The following RCOR1 variants were observed in gnomAD, a reference collection of about 807,000 sequenced individuals.
The protein encoded by RCOR1 is REST corepressor.
In RCOR1, 12 loss-of-function variants were observed where a neutral mutation model predicts 64.0. The ratio of observed to expected loss-of-function variants is 0.19; its 90% confidence interval spans 0.12 to 0.30. The LOEUF (loss-of-function observed/expected upper bound fraction) is 0.30, where lower values mean the gene tolerates loss of function less well. Among genes scored for constraint, RCOR1 ranks in the 10% least tolerant of loss-of-function variants. RCOR1 has a pLI of 1.00. For missense variants in RCOR1, 502 were observed against 621.2 expected (o/e 0.81, Z 2.04); for synonymous variants, 279 against 227.2 (o/e 1.23, Z -2.05).
At position 102,716,950 on chromosome 14, in the gene RCOR1, ACCTGATATACC is replaced by A. The variant is rs1896079401; in HGVS notation, c.1053+2337_1053+2347del. Among the ~76,000 whole-genome samples the A allele has an allele frequency of 2.6e-5, 4 of 152,152 alleles. No individual in the cohort carries two copies. In the South Asian group the frequency reaches 8.3e-4, roughly 31 times the overall value. On this transcript the variant is annotated intron_variant, in intron 8 of 11. Coordinates refer to ENST00000262241, the MANE Select transcript of RCOR1 (RefSeq NM_015156.4). The stretch of plus-strand genomic sequence containing the variant: ...CTTTATTGAGTTTTCTGATCAGTGA[ACCTGATATACC>A]CCTCTACTTCTATAGGTTTGTAATT...
chr14:102,682,005 A>G, intron 3 of RCOR1, 27 bp downstream of exon 3: 3 of 1,540,222 alleles, frequency 1.9e-6, no homozygotes, highest in Non-Finnish European at 2.7e-6. Context: ...TTTATTTTCC[A>G]CCTTTCTTGT....
At chr14:102,595,154 T>G (rs916542686) in intron 2 of RCOR1, among the ~76,000 whole-genome samples, 5 of 152,230 alleles carry the variant, frequency 3.3e-5, no homozygotes, top group Admixed American at 2.6e-4. Flanking sequence ...GTCTTTGGGC[T>G]TTTTGTTGGA....
At chr14:102,679,532 G>A (rs965202606) in intron 2 of RCOR1, among the ~76,000 whole-genome samples, 6 of 150,628 alleles carry the variant, frequency 4.0e-5, no homozygotes, top group African/African-American at 1.5e-4. Context: ...AGGCTGGAGT[G>A]CAGTGGTGCA....
intron 2 of RCOR1, among the ~76,000 whole-genome samples, chr14:102,617,036 G>T (rs1893774891): frequency 6.6e-6 from 1 of 152,166 alleles, no homozygotes; most frequent in Non-Finnish European, 1.5e-5. Context: ...GAAACAGGAA[G>T]GCCAAATATA....
At chr14:102,607,400 A>G (rs1893534418) in intron 2 of RCOR1, among the ~76,000 whole-genome samples, 1 of 152,310 alleles carries the variant, frequency 6.6e-6, no homozygotes, top group South Asian at 2.1e-4. Flanking sequence ...CACATCTTGC[A>G]TAGATGTGTT....
At chr14:102,642,504 C>A (rs557484993) in intron 2 of RCOR1, among the ~76,000 whole-genome samples, 1 of 152,204 alleles carries the variant, frequency 6.6e-6, no homozygotes, top group East Asian at 1.9e-4. Flanking sequence ...AAGTCTTAGG[C>A]CGATTTGATG....
chr14:102,599,475 C>T (rs902816349), intron 2 of RCOR1, among the ~76,000 whole-genome samples: 2 of 152,058 alleles, frequency 1.3e-5, no homozygotes, highest in African/African-American at 2.4e-5. Flanking sequence ...TCTTTATACA[C>T]GTCCTTGGTG....
chr14:102,617,583 CTTTCTTTT>C (rs1893787192), intron 2 of RCOR1, among the ~76,000 whole-genome samples: 1 of 113,680 alleles, frequency 8.8e-6, no homozygotes, highest in African/African-American at 3.6e-5. Context: ...GACACTGTCT[CTTTCTTTT>C]TTTTTTTTTT....
In RCOR1 at chr14:102,721,016, A is replaced by G. The variant is rs565329339; in HGVS notation, c.1063A>G (p.Ile355Val). The part of the protein sequence containing the change: ...LVSVKRQIQN[I>V]KQTNSALKEK... ...ATTTTTTCCTTCCTAGATCCAGAAT[A>G]TTAAACAGACAAACAGTGCTCTCAA... is the stretch of plus-strand genomic sequence containing the variant. Residue 355 changes from isoleucine (I) to valine (V), a missense_variant, in exon 9 of 12, where the codon ATT (isoleucine) becomes GTT (valine). Physicochemically the swap from Ile to Val is conservative, Grantham distance 29 (BLOSUM62 3). Transcript: ENST00000262241. 1.9e-5 allele frequency: 29 copies of G among 1,525,550 alleles called. 1 individual carries two copies. In the South Asian group the frequency reaches 3.0e-4, roughly 16 times the overall value. The allele number at this position is 1,525,550 out of a possible 1,614,324, so 94.5% of individuals were successfully genotyped here.
chr14:102,712,863 A>T (rs1326445117), intron 7 of RCOR1, among the ~76,000 whole-genome samples: 1 of 151,698 alleles, frequency 6.6e-6, no homozygotes, highest in Non-Finnish European at 1.5e-5. Context: ...CACATTTTAA[A>T]TGAGAGAAAA....
intron 2 of RCOR1, among the ~76,000 whole-genome samples, chr14:102,622,773 C>A (rs1394341141): frequency 6.6e-6 from 1 of 152,132 alleles, no homozygotes; most frequent in Non-Finnish European, 1.5e-5. Context: ...GTAGCATGTC[C>A]TCTTTTTCTT....
chr14:102,706,776 A>G (rs1895867567), intron 4 of RCOR1, among the ~76,000 whole-genome samples: 1 of 151,978 alleles, frequency 6.6e-6, no homozygotes. Flanking sequence ...GGTTGCAGTG[A>G]GTGCCACTGC....
chr14:102,600,102 G>A (rs978256533), intron 2 of RCOR1, among the ~76,000 whole-genome samples: 7 of 150,866 alleles, frequency 4.6e-5, no homozygotes, highest in African/African-American at 1.5e-4. Context: ...TTTTTGAGAC[G>A]GAGTCTCGCT....
chr14:102,634,706 A>G (rs919001205), intron 2 of RCOR1, among the ~76,000 whole-genome samples: 3 of 150,734 alleles, frequency 2.0e-5, no homozygotes, highest in African/African-American at 4.9e-5. Flanking sequence ...GTATATATAT[A>G]TATTTTTTGG....
intron 2 of RCOR1, among the ~76,000 whole-genome samples, chr14:102,619,515 C>T (rs769678485): frequency 2.9e-5 from 4 of 137,612 alleles, no homozygotes; most frequent in Admixed American, 7.7e-5. Context: ...GGTTCTTGCT[C>T]TGTTGCCCAG....
intron 8 of RCOR1, among the ~76,000 whole-genome samples, chr14:102,719,995 G>A (rs2139994021): frequency 6.6e-6 from 1 of 152,316 alleles, no homozygotes; most frequent in South Asian, 2.1e-4. Flanking sequence ...AAGATCCTAA[G>A]AGATTGTAAT....
At chr14:102,689,725 C>T (rs549635647) in intron 3 of RCOR1, among the ~76,000 whole-genome samples, 56 of 152,204 alleles carry the variant, frequency 3.7e-4, no homozygotes, top group Non-Finnish European at 5.3e-4. Context: ...AAATGGAAAT[C>T]GTTAGCTGTG....
At chr14:102,716,661 A>G (rs551814014) in intron 8 of RCOR1, among the ~76,000 whole-genome samples, 1 of 152,278 alleles carries the variant, frequency 6.6e-6, no homozygotes, top group South Asian at 2.1e-4. Flanking sequence ...CAGTGTCTGT[A>G]TGCATATGGG....
At chr14:102,705,972 C>T (rs1895844587) in intron 4 of RCOR1, among the ~76,000 whole-genome samples, 1 of 151,348 alleles carries the variant, frequency 6.6e-6, no homozygotes, top group Non-Finnish European at 1.5e-5. Context: ...ACTAGCTGCG[C>T]ATGGTGGCAC....
Sources: gnomAD v4.1 joint callset for allele counts (sites outside exome capture counted in the v4.1 genomes callset) on GRCh38, gnomAD v4.1.1 for gene constraint, MANE v1.5 for transcripts, NCBI Gene and HGNC (gene_info 2026-07-23, HGNC 2026-07-21) for gene names.